The following ITPR3 variants were observed in gnomAD, a reference collection of about 807,000 sequenced individuals.
ITPR3 encodes the protein inositol 1,4,5-trisphosphate receptor type 3, also known as inositol 1,4,5-trisphosphate-gated calcium channel ITPR3.
A neutral mutation model predicts 293.2 loss-of-function variants in ITPR3; 173 were observed. That is an observed-to-expected ratio of 0.59 (90% CI 0.52 to 0.67). The LOEUF is 0.67. Ranked by LOEUF, ITPR3 falls within the 30% of genes least tolerant of loss-of-function variation. The pLI is 0.00. For missense variants in ITPR3, 2,796 were observed against 3,592.1 expected, an observed-to-expected ratio of 0.78 and a Z score of 5.66; for synonymous variants, 1,295 against 1,444.4, an observed-to-expected ratio of 0.90 and a Z score of 2.35.
Position 33,670,040 on chromosome 6 carries a change from A to G in ITPR3, c.2190-285A>G, listed in dbSNP as rs1453090860. ...TCCCTGGCCAAGGCTGGCTCTTCTC[A>G]TCTCACTGCCCTCCCCTGTCTCCCA... is the stretch of plus-strand genomic sequence containing the variant. On this transcript the variant is annotated intron_variant, in intron 18 of 57. Transcript: ENST00000605930. The surrounding 1 kb of genome is among the most constrained non-coding windows in gnomAD (Gnocchi z 6.7). Among the ~76,000 whole-genome samples, 1 of 145,914 alleles carries G rather than the reference A, an allele frequency of 6.9e-6. No individual in the cohort carries two copies. The highest frequency in any genetic ancestry group is 1.5e-5 in the Non-Finnish European group (1 of 66,588).
Position 33,657,917 on chromosome 6 carries a change from T to C in ITPR3, c.283-15T>C, listed in dbSNP as rs758598534. On this transcript the variant is annotated splice_polypyrimidine_tract_variant and intron_variant, in intron 3 of 57. Coordinates refer to ENST00000605930, the MANE Select transcript of ITPR3 (RefSeq NM_002224.4). ...CTTCTGAGCCCACCCTTCACTTCTG[T>C]GTGTGTCTGTGCAGCATGCGGCGCA... The C allele has an allele frequency of 2.4e-5, 38 of 1,611,724 alleles. No homozygotes were observed. Among genetic ancestry groups the C allele is most frequent in the Non-Finnish European group, 3.2e-5 (38 of 1,178,582 alleles).
In ITPR3 at chr6:33,691,907, T is replaced by C. The variant is rs778547944; in HGVS notation, c.7437T>C (p.Ile2479=). ...GCAACGGTGGTGGCGTGGGCGACAT[T>C]CTCCGCAAGCCCTCCAAAGATGTGA... is the stretch of plus-strand genomic sequence containing the variant. The part of the protein sequence containing the change: ...GLRNGGGVGD[I]LRKPSKDESL... The change falls in exon 54 of 58, where the codon ATT becomes ATC. Residue 2479 remains isoleucine (I), a synonymous_variant. Coordinates refer to ENST00000605930, the MANE Select transcript of ITPR3 (RefSeq NM_002224.4). The surrounding 1 kb of genome is among the most constrained non-coding windows in gnomAD (Gnocchi z 4.9). 1.2e-6 allele frequency: 2 copies of C among 1,613,788 alleles called. No homozygotes were observed. The highest frequency in any genetic ancestry group is 1.7e-6 in the Non-Finnish European group (2 of 1,179,984).
In ITPR3 at chr6:33,683,379, C is replaced by T. The variant is rs1458225884; in HGVS notation, c.4770C>T (p.Asn1590=). The T allele has an allele frequency of 6.3e-7, 1 of 1,581,276 alleles. No individual in the cohort carries two copies. Among genetic ancestry groups the T allele is most frequent in the Non-Finnish European group, 8.6e-7 (1 of 1,161,542 alleles). The change falls in exon 35 of 58, where the codon AAC becomes AAT. Residue 1590 remains asparagine (N), a synonymous_variant. Transcript: ENST00000605930. This position sits in a 1 kb window ranked among gnomAD's most constrained non-coding sequence, Gnocchi z 4.5. The part of the protein sequence containing the change: ...TPTANQWDYK[N]IIEKLQDIIT... ...CCGCCAACCAGTGGGACTACAAGAA[C>T]ATCATTGAGAAGCTGCAGGTGGGTG...
In ITPR3 at chr6:33,678,466, C is replaced by T. The variant is rs765957861; in HGVS notation, c.3694C>T (p.Leu1232=). ...MEILRYTHQF[L]QKFCAGNPGN... ...GATCCTGCGCTACACGCACCAGTTC[C>T]TGCAGAAGTTCTGTGCAGGGAACCC... Residue 1232 remains leucine (L), a synonymous_variant, in exon 29 of 58, where the codon CTG becomes TTG. Transcript: ENST00000605930. The T allele has an allele frequency of 7.4e-6, 12 of 1,613,782 alleles. No homozygotes were observed. Among genetic ancestry groups the T allele is most frequent in the Non-Finnish European group, 1.0e-5 (12 of 1,180,016 alleles).
At position 33,670,648 on chromosome 6, in the gene ITPR3, T is replaced by A; in HGVS notation, c.2442-23T>A. 8 of 1,613,782 alleles carry A rather than the reference T, an allele frequency of 5.0e-6. No homozygotes were observed. Among genetic ancestry groups the A allele is most frequent in the Non-Finnish European group, 6.8e-6 (8 of 1,179,964 alleles). On this transcript the variant is annotated intron_variant, in intron 19 of 57. Coordinates refer to ENST00000605930, the MANE Select transcript of ITPR3 (RefSeq NM_002224.4). This position sits in a 1 kb window ranked among gnomAD's most constrained non-coding sequence, Gnocchi z 6.7. ...AGTGGGTGTATCTCGGGGACCTTCA[T>A]GCCTCATGGCCTCCACCCTCAGCTA... is the stretch of plus-strand genomic sequence containing the variant.
rs1428567366 is a variant in ITPR3, at chr6:33,678,366, G to T, written c.3649-55G>T. ...CTGCTCCTGTCAGAGCTCAGCCAGG[G>T]CCTCGCCTCCCTCCTTGGTGGGCCC... On this transcript the variant is annotated intron_variant, in intron 28 of 57. Transcript: ENST00000605930. 7 of 1,598,368 alleles carry T rather than the reference G, an allele frequency of 4.4e-6. No homozygotes were observed. In the African/African-American group the frequency reaches 9.4e-5, roughly 21 times the overall value.
At position 33,645,266 on chromosome 6, in the gene ITPR3, G is replaced by A. The variant is rs181285656; in HGVS notation, c.160+4712G>A. On this transcript the variant is annotated intron_variant, in intron 2 of 57. Coordinates refer to ENST00000605930, the MANE Select transcript of ITPR3 (RefSeq NM_002224.4). Reference sequence around the variant, plus strand: ...GGAGAATCGCTTGAACCCGGGAGGCGGAGGTTGCAGTGAGCCAAGATCACG... The same window carrying A: ...GGAGAATCGCTTGAACCCGGGAGGCAGAGGTTGCAGTGAGCCAAGATCACG... 2.3e-3 allele frequency among the ~76,000 whole-genome samples: 352 copies of A among 152,132 alleles called. 2 individuals are homozygous for A. Among genetic ancestry groups the A allele is most frequent in the African/African-American group, 7.3e-3 (304 of 41,508 alleles).
At chr6:33,650,786 G>A (rs1285640402) in intron 2 of ITPR3, among the ~76,000 whole-genome samples, 1 of 151,288 alleles carries the variant, frequency 6.6e-6, no homozygotes, top group Admixed American at 6.6e-5. Context: ...TCTCTGCAGG[G>A]ATCTTCAAGC....
intron 57 of ITPR3, chr6:33,695,408 G>C (rs1582174670): frequency 1.8e-6 from 1 of 560,040 alleles, no homozygotes; most frequent in Non-Finnish European, 3.2e-6. Context: ...GGGAGTTTAA[G>C]GCCCTCTTGC....
chr6:33,657,831 GT>G, intron 3 of ITPR3, 100 bp from the exon 4 acceptor site: 2 of 872,294 alleles, frequency 2.3e-6, no homozygotes, highest in Non-Finnish European at 3.7e-6. Context: ...GTGTGTGTGT[GT>G]GTTTGTGTGC....
At chr6:33,646,390 C>T (rs1237838191) in intron 2 of ITPR3, among the ~76,000 whole-genome samples, 1 of 120,554 alleles carries the variant, frequency 8.3e-6, no homozygotes, top group Non-Finnish European at 1.6e-5. Flanking sequence ...CCACCACTGC[C>T]TCTTTAGGTC....
rs1765170325 is a variant in ITPR3, at chr6:33,684,543, A to T, written c.5047-55A>T. ...GGCTCAGGGTCAAGCCCGTCAGGCC[A>T]GTGGTCAGTGGTGGGCTGTACCCAC... On this transcript the variant is annotated intron_variant, in intron 37 of 57. Transcript: ENST00000605930. The surrounding 1 kb of genome is among the most constrained non-coding windows in gnomAD (Gnocchi z 4.2). The T allele has an allele frequency of 1.2e-6, 2 of 1,606,270 alleles. No individual in the cohort carries two copies. Among genetic ancestry groups the T allele is most frequent in the Admixed American group, 1.7e-5 (1 of 60,004 alleles).
At chr6:33,657,647 C>G (rs1418329092) in intron 3 of ITPR3, among the ~76,000 whole-genome samples, 1 of 151,962 alleles carries the variant, frequency 6.6e-6, no homozygotes, top group East Asian at 1.9e-4. Context: ...CAAGGTCCTG[C>G]TGGCATGCCC....
chr6:33,662,653 C>T lies in ITPR3; in HGVS notation c.837C>T (p.Ser279=), dbSNP rs1158618167. 2 of 1,609,064 alleles carry T rather than the reference C, an allele frequency of 1.2e-6. No homozygotes were observed. The highest frequency in any genetic ancestry group is 1.7e-6 in the Non-Finnish European group (2 of 1,179,980). The change falls in exon 8 of 58, where the codon TCC becomes TCT. Residue 279 remains serine (S), a synonymous_variant. Transcript: ENST00000605930. ...AGTCTGCCACCTCGGCCACCAGCTC[C>T]AATGCTCTCTGGGAGGTGGAGGTCA... is the stretch of plus-strand genomic sequence containing the variant. The part of the protein sequence containing the change: ...LRQSATSATS[S]NALWEVEVVH...
chr6:33,660,711 T>C (rs1029653797), intron 7 of ITPR3, among the ~76,000 whole-genome samples: 4 of 152,064 alleles, frequency 2.6e-5, no homozygotes, highest in Admixed American at 1.3e-4. Context: ...GGTGGATCAC[T>C]TGAGGTCAGG....
intron 48 of ITPR3, 102 bp from the exon 49 acceptor site, chr6:33,688,554 G>T (rs1002858311): frequency 3.9e-6 from 6 of 1,547,454 alleles, no homozygotes; most frequent in Non-Finnish European, 5.2e-6. Flanking sequence ...CCAAGGAAGG[G>T]CTCTTCCATG....
chr6:33,668,951 G>A, intron 17 of ITPR3, 23 bp from the exon 18 acceptor site: 1 of 1,610,546 alleles, frequency 6.2e-7, no homozygotes, highest in Non-Finnish European at 8.5e-7. Flanking sequence ...GGCTCCCTGT[G>A]ACAGGTTGCT....
At chr6:33,630,766 G>A (rs138475790) in intron 1 of ITPR3, among the ~76,000 whole-genome samples, 1,568 of 152,308 alleles carry the variant, frequency 0.01, 18 homozygotes, top group African/African-American at 0.027. Flanking sequence ...GGTTCTCTGC[G>A]TGTGCGGCTT....
chr6:33,663,129 C>A, intron 9 of ITPR3, 123 bp downstream of exon 9: 1 of 747,604 alleles, frequency 1.3e-6, no homozygotes, highest in South Asian at 1.7e-5. Flanking sequence ...CTTCTCTGCA[C>A]TCATGCATTT....
Sources: allele counts gnomAD v4.1 joint callset (sites outside exome capture counted in the v4.1 genomes callset), GRCh38; gene constraint gnomAD v4.1.1; non-coding constraint Gnocchi (gnomAD v3.1); transcripts MANE v1.5; gene names NCBI Gene and HGNC (gene_info 2026-07-23, HGNC 2026-07-21).